MACROH2A2: variants seen among roughly 807,000 people sequenced by gnomAD.
The protein encoded by MACROH2A2 is macroH2A.2 histone, also known as core histone macro-H2A.2.
Under a neutral mutation model 37.6 loss-of-function variants are expected in MACROH2A2, and 6 were observed. The observed-to-expected ratio is 0.16, with a 90% CI of 0.09 to 0.32. The LOEUF is 0.32. Among genes scored for constraint, MACROH2A2 ranks in the 10% least tolerant of loss-of-function variants. The pLI is 1.00. For missense variants in MACROH2A2, 290 were observed against 485.9 expected (o/e 0.60, Z 3.79); for synonymous variants, 192 against 202.7 (o/e 0.95, Z 0.45).
chr10:70,066,684 G>A lies in MACROH2A2; in HGVS notation c.-59-8916G>A, dbSNP rs564787650. Among the ~76,000 whole-genome samples the A allele has an allele frequency of 4.9e-4, 74 of 152,286 alleles. No individual in the cohort carries two copies. In the Middle Eastern group the frequency reaches 0.027, roughly 56 times the overall value. On this transcript the variant is annotated intron_variant, in intron 1 of 8. Coordinates refer to ENST00000373255, the MANE Select transcript of MACROH2A2 (RefSeq NM_018649.3). ...AAAAATATGGTCCACGTTCCTATTT[G>A]TGGATCCTATATTTGTGAATTTGCC...
At chr10:70,087,880 CTG>C (rs2072220681) in intron 2 of MACROH2A2, among the ~76,000 whole-genome samples, 1 of 152,174 alleles carries the variant, frequency 6.6e-6, no homozygotes. Context: ...GAATATTTAA[CTG>C]TAATGTTTAT....
Position 70,091,837 on chromosome 10 carries a change from C to A in MACROH2A2, c.360C>A (p.Thr120=). The stretch of plus-strand genomic sequence containing the variant: ...AACTGCTGGCCAAAAAGCGAGGGAC[C>A]AAAGGCAAGTCGGAAACGATCCTCT... ...HPELLAKKRG[T]KGKSETILSP... The change falls in exon 4 of 9, where the codon ACC becomes ACA. Residue 120 remains threonine (T), a synonymous_variant. Coordinates refer to ENST00000373255, the MANE Select transcript of MACROH2A2 (RefSeq NM_018649.3). The A allele has an allele frequency of 6.2e-7, 1 of 1,614,016 alleles. No homozygotes were observed. Among genetic ancestry groups the A allele is most frequent in the South Asian group, 1.1e-5 (1 of 91,076 alleles).
intron 7 of MACROH2A2, among the ~76,000 whole-genome samples, chr10:70,105,554 G>A (rs1321002404): frequency 3.9e-5 from 6 of 152,204 alleles, no homozygotes; most frequent in Admixed American, 1.3e-4. Flanking sequence ...AAGGGGAGAG[G>A]GGCCGACCAT....
intron 7 of MACROH2A2, among the ~76,000 whole-genome samples, chr10:70,101,663 C>T (rs1029452633): frequency 3.2e-5 from 3 of 93,926 alleles, no homozygotes; most frequent in Non-Finnish European, 6.5e-5. Flanking sequence ...TGCCCAGTGC[C>T]CCCCTCAGGC....
At chr10:70,088,199 TCA>T (rs140293188) in intron 2 of MACROH2A2, among the ~76,000 whole-genome samples, 4 of 144,588 alleles carry the variant, frequency 2.8e-5, no homozygotes, top group South Asian at 2.2e-4. Flanking sequence ...GCCTGCACAC[TCA>T]CACACACACA....
chr10:70,056,492 C>T (rs932529231), intron 1 of MACROH2A2, among the ~76,000 whole-genome samples: 4 of 152,152 alleles, frequency 2.6e-5, no homozygotes, highest in African/African-American at 4.8e-5. Flanking sequence ...TAACTAAATA[C>T]AAGTAATAAT....
chr10:70,096,126 T>C (rs1458153566), intron 6 of MACROH2A2, among the ~76,000 whole-genome samples: 2 of 152,170 alleles, frequency 1.3e-5, no homozygotes, highest in South Asian at 2.1e-4. Flanking sequence ...CACTGTCCTT[T>C]CTTATCAAAG....
chr10:70,054,106 G>T lies in MACROH2A2; in HGVS notation c.-60+1106G>T, dbSNP rs1378926947. 2.0e-5 allele frequency among the ~76,000 whole-genome samples: 3 copies of T among 152,360 alleles called. No individual in the cohort carries two copies. In the East Asian group the frequency reaches 5.8e-4, roughly 29 times the overall value. Reference sequence around the variant, plus strand: ...GTTCCTTACAACAATGGCCAAAGGGGCATTGGTTCCCCAAGGGCCAAACGA... The same window carrying T: ...GTTCCTTACAACAATGGCCAAAGGGTCATTGGTTCCCCAAGGGCCAAACGA... On this transcript the variant is annotated intron_variant, in intron 1 of 8. Coordinates refer to ENST00000373255, the MANE Select transcript of MACROH2A2 (RefSeq NM_018649.3).
chr10:70,094,688 G>A (rs1048756928), intron 5 of MACROH2A2, among the ~76,000 whole-genome samples: 1 of 152,182 alleles, frequency 6.6e-6, no homozygotes, highest in African/African-American at 2.4e-5. Flanking sequence ...GTTACATGAC[G>A]ATTAGCTTTC....
intron 7 of MACROH2A2, among the ~76,000 whole-genome samples, chr10:70,104,194 C>T (rs1038574474): frequency 2.0e-5 from 3 of 152,162 alleles, no homozygotes; most frequent in African/African-American, 4.8e-5. Flanking sequence ...TTAAGATATA[C>T]TCTTATTGTA....
At chr10:70,101,099 A>G (rs1468806375) in intron 7 of MACROH2A2, among the ~76,000 whole-genome samples, 1 of 152,180 alleles carries the variant, frequency 6.6e-6, no homozygotes, top group Non-Finnish European at 1.5e-5. Flanking sequence ...GGAATGAGAA[A>G]AGATAGTTTG....
In MACROH2A2 at chr10:70,109,099, G is replaced by A. The variant is rs2072354653; in HGVS notation, c.845G>A (p.Gly282Asp). ...ATCCACTGTCACATCCCTCAGTGGG[G>A]CTCCGACAAATGTGAAGAACAGCTT... ...FVIHCHIPQW[G>D]SDKCEEQLEE... The change falls in exon 8 of 9, where the codon GGC (glycine) becomes GAC (aspartate). Residue 282 changes from glycine (G) to aspartate (D), a missense_variant. By Grantham distance (94) the Gly-to-Asp change is moderately conservative. Transcript: ENST00000373255. The A allele has an allele frequency of 6.2e-7, 1 of 1,613,984 alleles. No homozygotes were observed. The highest frequency in any genetic ancestry group is 8.5e-7 in the Non-Finnish European group (1 of 1,179,810).
chr10:70,099,891 G>A (rs756147222), intron 6 of MACROH2A2, among the ~76,000 whole-genome samples: 2 of 152,096 alleles, frequency 1.3e-5, no homozygotes, highest in Non-Finnish European at 2.9e-5. Context: ...TAAACCTGTG[G>A]GACACAACAC....
chr10:70,078,903 A>AG (rs1373431017), intron 2 of MACROH2A2, among the ~76,000 whole-genome samples: 1 of 152,056 alleles, frequency 6.6e-6, no homozygotes, highest in East Asian at 1.9e-4. Context: ...TGTTTAGGGA[A>AG]GGGGGGTCAA....
At chr10:70,109,964 A>G (rs2072360449) in intron 8 of MACROH2A2, among the ~76,000 whole-genome samples, 1 of 152,108 alleles carries the variant, frequency 6.6e-6, no homozygotes, top group Non-Finnish European at 1.5e-5. Flanking sequence ...GCTGTCCTTT[A>G]TAATATAGCT....
At chr10:70,080,599 G>T (rs2072170270) in intron 2 of MACROH2A2, among the ~76,000 whole-genome samples, 1 of 152,014 alleles carries the variant, frequency 6.6e-6, no homozygotes, top group African/African-American at 2.4e-5. Flanking sequence ...AACCAGGTGT[G>T]TGCTGGGCAC....
chr10:70,103,158 C>G (rs895735627), intron 7 of MACROH2A2, among the ~76,000 whole-genome samples: 1 of 152,144 alleles, frequency 6.6e-6, no homozygotes, highest in Non-Finnish European at 1.5e-5. Context: ...GCCCCTCACC[C>G]AAGCCCAGGG....
rs778039193 is a variant in MACROH2A2, at chr10:70,091,855, G to A, written c.378G>A (p.Thr126=). The change falls in exon 4 of 9, where the codon ACG becomes ACA. Residue 126 remains threonine (T), a synonymous_variant. Coordinates refer to ENST00000373255, the MANE Select transcript of MACROH2A2 (RefSeq NM_018649.3). The part of the protein sequence containing the change: ...KKRGTKGKSE[T]ILSPPPEKRG... ...GAGGGACCAAAGGCAAGTCGGAAACGATCCTCTCCCCACCCCCAGAGAAAA... is the reference window on the plus strand; with the variant it reads ...GAGGGACCAAAGGCAAGTCGGAAACAATCCTCTCCCCACCCCCAGAGAAAA... 2.5e-6 allele frequency: 4 copies of A among 1,613,958 alleles called. No individual in the cohort carries two copies. Among genetic ancestry groups the A allele is most frequent in the South Asian group, 1.1e-5 (1 of 91,074 alleles).
Position 70,072,832 on chromosome 10 carries a change from C to T in MACROH2A2, c.-59-2768C>T, listed in dbSNP as rs192825304. Among the ~76,000 whole-genome samples the T allele has an allele frequency of 1.5e-3, 229 of 152,168 alleles. 1 individual carries two copies. The highest frequency in any genetic ancestry group is 5.2e-3 in the African/African-American group (216 of 41,492). ...ATTAGCCAGGCATGGTGGTGCACAC[C>T]GATAGTCCCAGCTACTTGGGAGGCT... On this transcript the variant is annotated intron_variant, in intron 1 of 8. Coordinates refer to ENST00000373255, the MANE Select transcript of MACROH2A2 (RefSeq NM_018649.3).
Sources: gnomAD v4.1 joint callset for allele counts (sites outside exome capture counted in the v4.1 genomes callset) on GRCh38, gnomAD v4.1.1 for gene constraint, MANE v1.5 for transcripts, NCBI Gene and HGNC (gene_info 2026-07-23, HGNC 2026-07-21) for gene names.